The following STK33 variants were observed in gnomAD, a reference collection of about 807,000 sequenced individuals.
The protein encoded by STK33 is serine/threonine kinase 33.
Under a neutral mutation model 58.0 loss-of-function variants are expected in STK33, and 52 were observed. The observed-to-expected ratio is 0.90, with a 90% CI of 0.72 to 1.13. The LOEUF (loss-of-function observed/expected upper bound fraction) is 1.13. Among genes scored for constraint, STK33 ranks in the 50% most tolerant of loss-of-function variants. The pLI is 0.00. For synonymous variants in STK33, 215 were observed against 200.1 expected, an observed-to-expected ratio of 1.07 and a Z score of -0.63; for missense variants, 630 against 604.2, an observed-to-expected ratio of 1.04 and a Z score of -0.45.
intron 15 of STK33, among the ~76,000 whole-genome samples, chr11:8,400,238 G>A (rs910243672): frequency 2.6e-5 from 4 of 152,128 alleles, no homozygotes; most frequent in Admixed American, 2.6e-4. Flanking sequence ...CTGGCAAACA[G>A]AATCCAGCAG....
intron 1 of STK33, among the ~76,000 whole-genome samples, chr11:8,540,395 G>T (rs1401822389): frequency 1.3e-5 from 2 of 151,950 alleles, no homozygotes; most frequent in Non-Finnish European, 2.9e-5. Context: ...TGAGGTGGGA[G>T]GATCCCCTAA....
At chr11:8,408,499 A>G (rs991463931) in intron 15 of STK33, among the ~76,000 whole-genome samples, 2 of 152,212 alleles carry the variant, frequency 1.3e-5, no homozygotes, top group African/African-American at 4.8e-5. Context: ...CCCTTAGAAC[A>G]AAAGCCTTGT....
intron 1 of STK33, among the ~76,000 whole-genome samples, chr11:8,580,415 A>G (rs2029915270): frequency 6.6e-6 from 1 of 152,032 alleles, no homozygotes; most frequent in Non-Finnish European, 1.5e-5. Flanking sequence ...TCTAAAAATC[A>G]AAACAATTAA....
chr11:8,534,568 CTGTGTGTGTG>C (rs34999243), intron 1 of STK33, among the ~76,000 whole-genome samples: 2,389 of 104,634 alleles, frequency 0.023, 55 homozygotes, highest in Non-Finnish European at 0.029. Flanking sequence ...CTCTCTCTCT[CTGTGTGTGTG>C]TGTGTGTGTG....
chr11:8,525,983 T>C (rs1043613839), intron 1 of STK33, among the ~76,000 whole-genome samples: 12 of 152,150 alleles, frequency 7.9e-5, no homozygotes, highest in African/African-American at 2.7e-4. Context: ...GGGAAAAGCA[T>C]GTTAAAATCA....
chr11:8,575,446 A>C (rs1220857920), intron 1 of STK33, among the ~76,000 whole-genome samples: 1 of 152,250 alleles, frequency 6.6e-6, no homozygotes, highest in Non-Finnish European at 1.5e-5. Context: ...GCTCTGATAC[A>C]ACATGGATGA....
the STK33 span, among the ~76,000 whole-genome samples, chr11:8,376,961 C>T: frequency 6.6e-6 from 1 of 152,224 alleles, no homozygotes; most frequent in Non-Finnish European, 1.5e-5. Context: ...AAAGGCTCCA[C>T]TGTAGAAGCC....
intron 1 of STK33, among the ~76,000 whole-genome samples, chr11:8,541,266 C>A (rs1313968784): frequency 4.6e-5 from 7 of 152,054 alleles, no homozygotes; most frequent in Admixed American, 3.9e-4. Flanking sequence ...CTTTTCATCT[C>A]TCCTTTTCCA....
chr11:8,354,474 T>TCACACACCCACACACACACACACA, the STK33 span, among the ~76,000 whole-genome samples: 1 of 124,680 alleles, frequency 8.0e-6, no homozygotes. Flanking sequence ...CTGCAAAACC[T>TCACACACCCACACACACACACACA]CACACACACA....
At chr11:8,372,642 G>C in the STK33 span, among the ~76,000 whole-genome samples, 2 of 152,248 alleles carry the variant, frequency 1.3e-5, no homozygotes, top group East Asian at 3.8e-4. Context: ...GTTGAAGGGC[G>C]GCTAGTCCTG....
chr11:8,434,433 A>G (rs1201266704), intron 14 of STK33, among the ~76,000 whole-genome samples: 1 of 152,088 alleles, frequency 6.6e-6, no homozygotes, highest in East Asian at 1.9e-4. Flanking sequence ...TTCTCAGAAA[A>G]ATTTCTGAGA....
chr11:8,462,135 A>G (rs1947603770), intron 7 of STK33, among the ~76,000 whole-genome samples: 1 of 152,124 alleles, frequency 6.6e-6, no homozygotes, highest in South Asian at 2.1e-4. Flanking sequence ...TAAGTTACAT[A>G]TAATTTTGCC....
chr11:8,566,618 T>C (rs769432016), intron 1 of STK33, among the ~76,000 whole-genome samples: 2 of 152,224 alleles, frequency 1.3e-5, no homozygotes, highest in African/African-American at 4.8e-5. Context: ...ATATTGCATC[T>C]TGTAATAGTC....
chr11:8,557,338 GAGGGAGGGAGGAAA>G, intron 1 of STK33, among the ~76,000 whole-genome samples: 1 of 141,306 alleles, frequency 7.1e-6, no homozygotes, highest in African/African-American at 2.7e-5. Context: ...GGGAGGCAAG[GAGGGAGGGAGGAAA>G]GAAGGATGGA....
the STK33 span, among the ~76,000 whole-genome samples, chr11:8,348,095 G>A: frequency 6.6e-6 from 1 of 152,190 alleles, no homozygotes; most frequent in African/African-American, 2.4e-5. Flanking sequence ...CCCTGTGCTT[G>A]AACACCAGGG....
the STK33 span, among the ~76,000 whole-genome samples, chr11:8,351,949 C>T: frequency 1.3e-5 from 2 of 152,236 alleles, no homozygotes; most frequent in Non-Finnish European, 2.9e-5. Flanking sequence ...CTCAGCGGCG[C>T]TCACGGTCGG....
the STK33 span, among the ~76,000 whole-genome samples, chr11:8,341,240 G>A: frequency 3.7e-4 from 57 of 152,262 alleles, no homozygotes; most frequent in African/African-American, 6.7e-4. Flanking sequence ...GGTCCTCTTC[G>A]GGGTGGCAGT....
intron 1 of STK33, among the ~76,000 whole-genome samples, chr11:8,584,165 C>G (rs1366707356): frequency 3.3e-5 from 5 of 151,300 alleles, no homozygotes; most frequent in Non-Finnish European, 5.9e-5. Context: ...GGGCCAGAAC[C>G]TAAGACCAAA....
chr11:8,507,163 C>A (rs1951923407), intron 1 of STK33, among the ~76,000 whole-genome samples: 1 of 152,192 alleles, frequency 6.6e-6, no homozygotes, highest in African/African-American at 2.4e-5. Flanking sequence ...CTTCTAGCAG[C>A]CTTGCCCCCA....
Sources: gnomAD v4.1 joint callset for allele counts (sites outside exome capture counted in the v4.1 genomes callset) on GRCh38, gnomAD v4.1.1 for gene constraint, MANE v1.5 for transcripts, NCBI Gene and HGNC (gene_info 2026-07-23, HGNC 2026-07-21) for gene names.